Variants in CCDC178 observed in about 807,000 individuals in gnomAD.
The protein encoded by CCDC178 is coiled-coil domain-containing protein 178.
CCDC178 carries 126 observed loss-of-function variants against 117.4 expected under a neutral mutation model. That is an observed-to-expected ratio of 1.07 (90% CI 0.93 to 1.24). The LOEUF (loss-of-function observed/expected upper bound fraction) is 1.24, where lower values mean the gene tolerates loss of function less well. Ranked by LOEUF, CCDC178 falls within the 50% of genes most tolerant of loss-of-function variation. The pLI is 0.00. For synonymous variants in CCDC178, 283 were observed against 313.4 expected (o/e 0.90, Z 1.02); for missense variants, 1,030 against 986.9 (o/e 1.04, Z -0.59).
chr18:33,202,195 C>A (rs2058997020), intron 20 of CCDC178, among the ~76,000 whole-genome samples: 1 of 151,752 alleles, frequency 6.6e-6, no homozygotes, highest in Non-Finnish European at 1.5e-5. Context: ...AGATCGAGAC[C>A]ATCCTGGTCA....
chr18:32,983,273 A>G, intron 21 of CCDC178: 1 of 1,495,476 alleles, frequency 6.7e-7, no homozygotes, highest in East Asian at 2.5e-5. Context: ...TTAATTCATC[A>G]CAGGTACCTG....
At chr18:32,940,116 A>T (rs1372552394) in intron 22 of CCDC178, among the ~76,000 whole-genome samples, 2 of 151,948 alleles carry the variant, frequency 1.3e-5, no homozygotes, top group African/African-American at 4.8e-5. Context: ...TTTTCATATT[A>T]TGTTTTTAGT....
chr18:33,046,565 T>C (rs1424051108), intron 21 of CCDC178, among the ~76,000 whole-genome samples: 1 of 152,128 alleles, frequency 6.6e-6, no homozygotes. Flanking sequence ...TCAATGTTCC[T>C]ACTTAACATT....
intron 21 of CCDC178, among the ~76,000 whole-genome samples, chr18:33,075,942 G>A (rs140092811): frequency 2.6e-5 from 4 of 152,196 alleles, no homozygotes; most frequent in Admixed American, 6.5e-5. Context: ...ACACTCCACC[G>A]TGGGGTACAA....
chr18:33,183,800 T>TACTC (rs57477168), intron 20 of CCDC178, among the ~76,000 whole-genome samples: 24,437 of 151,990 alleles, frequency 0.16, 2,717 homozygotes, highest in African/African-American at 0.32. Context: ...CAGTGGTTAT[T>TACTC]ACTCTTACTT....
At chr18:33,150,171 A>T (rs2058324710) in intron 20 of CCDC178, among the ~76,000 whole-genome samples, 1 of 152,184 alleles carries the variant, frequency 6.6e-6, no homozygotes, top group Non-Finnish European at 1.5e-5. Flanking sequence ...TGCTGGGAAA[A>T]CTGGGAGGCC....
At chr18:33,143,363 A>G (rs2058231512) in intron 20 of CCDC178, among the ~76,000 whole-genome samples, 1 of 152,184 alleles carries the variant, frequency 6.6e-6, no homozygotes, top group African/African-American at 2.4e-5. Context: ...TAAAAACCAA[A>G]GACTATTTTT....
chr18:33,130,609 C>T (rs920749873), intron 20 of CCDC178, among the ~76,000 whole-genome samples: 2 of 151,898 alleles, frequency 1.3e-5, no homozygotes, highest in African/African-American at 4.8e-5. Flanking sequence ...CAGTGCTGCC[C>T]CAGGGGGCAT....
intron 10 of CCDC178, among the ~76,000 whole-genome samples, chr18:33,327,951 TTGTC>T (rs2062607232): frequency 6.6e-6 from 1 of 152,096 alleles, no homozygotes; most frequent in Admixed American, 6.6e-5. Flanking sequence ...ATTCTATAGG[TTGTC>T]TTTTTACTTT....
At chr18:33,434,779 CCAT>C (rs1454677423) in intron 2 of CCDC178, among the ~76,000 whole-genome samples, 28 of 152,164 alleles carry the variant, frequency 1.8e-4, no homozygotes, top group African/African-American at 6.7e-4. Context: ...GAAATGATTC[CCAT>C]CATCATAAGA....
At chr18:33,246,707 G>A (rs1480845730) in intron 14 of CCDC178, among the ~76,000 whole-genome samples, 2 of 151,702 alleles carry the variant, frequency 1.3e-5, no homozygotes, top group Non-Finnish European at 2.9e-5. Flanking sequence ...CCAGTGCAAG[G>A]TTCACTGACT....
At chr18:33,250,126 A>C (rs1419321902) in intron 14 of CCDC178, among the ~76,000 whole-genome samples, 1 of 151,812 alleles carries the variant, frequency 6.6e-6, no homozygotes, top group Non-Finnish European at 1.5e-5. Context: ...AAAAGGATAA[A>C]CAAGATGATA....
chr18:33,351,189 TTTTG>T lies in CCDC178; in HGVS notation c.372-2218_372-2215del, dbSNP rs1485725196. ...GTGTGTGTGTGTGTGTGTGTATAGT[TTTTG>T]TTTGTTTCTTTGTTTTTTTGAGACA... On this transcript the variant is annotated intron_variant, in intron 7 of 22. Transcript: ENST00000383096. Among the ~76,000 whole-genome samples, 10 of 149,648 alleles carry T rather than the reference TTTTG, an allele frequency of 6.7e-5. No homozygotes were observed. In the East Asian group the frequency reaches 1.2e-3, roughly 18 times the overall value.
chr18:33,130,895 T>C (rs2144254621), intron 20 of CCDC178, among the ~76,000 whole-genome samples: 1 of 152,066 alleles, frequency 6.6e-6, no homozygotes, highest in African/African-American at 2.4e-5. Flanking sequence ...TATTACAATT[T>C]TCCTTTGCCC....
At chr18:33,132,857 G>A (rs2058082161) in intron 20 of CCDC178, among the ~76,000 whole-genome samples, 1 of 151,706 alleles carries the variant, frequency 6.6e-6, no homozygotes, top group African/African-American at 2.4e-5. Flanking sequence ...AATTTATAAT[G>A]ATGATGTAAT....
rs138778569 is a variant in CCDC178, at chr18:33,041,639, C to T, written c.2388+51122G>A. 1.3e-3 allele frequency among the ~76,000 whole-genome samples: 200 copies of T among 151,438 alleles called. 1 individual carries two copies. The highest frequency in any genetic ancestry group is 4.6e-3 in the African/African-American group (190 of 41,450). On this transcript the variant is annotated intron_variant, in intron 21 of 22. Transcript: ENST00000383096. ...CAAAAATACCCATTACTAATAAAAA[C>T]ATTTAATAAAATAATAATTATTTCT...
chr18:32,940,767 T>A (rs2054220327), intron 22 of CCDC178, among the ~76,000 whole-genome samples: 1 of 152,084 alleles, frequency 6.6e-6, no homozygotes, highest in South Asian at 2.1e-4. Context: ...AATTAAAATG[T>A]TTATAGGACT....
intron 6 of CCDC178, among the ~76,000 whole-genome samples, chr18:33,360,811 T>G (rs117301832): frequency 1.5e-3 from 235 of 151,688 alleles, no homozygotes; most frequent in Non-Finnish European, 2.8e-3. Flanking sequence ...ATTTGCACAC[T>G]AAAACTATAA....
intron 21 of CCDC178, among the ~76,000 whole-genome samples, chr18:33,088,931 C>T (rs455206): frequency 0.093 from 14,216 of 152,188 alleles, 939 homozygotes; most frequent in African/African-American, 0.19. Flanking sequence ...CCACTCTGGC[C>T]TCCCTAAGAT....
Sources: gnomAD v4.1 joint callset for allele counts (sites outside exome capture counted in the v4.1 genomes callset) on GRCh38, gnomAD v4.1.1 for gene constraint, MANE v1.5 for transcripts, NCBI Gene and HGNC (gene_info 2026-07-23, HGNC 2026-07-21) for gene names.